Variants in TP63 observed in about 807,000 individuals in gnomAD.
TP63 encodes tumor protein 63.
TP63 carries 17 observed loss-of-function variants against 82.8 expected under a neutral mutation model. The ratio of observed to expected loss-of-function variants is 0.21; its 90% CI spans 0.14 to 0.31. The LOEUF is 0.31. Among genes scored for constraint, TP63 ranks in the 10% least tolerant of loss-of-function variants. The pLI, the probability that TP63 is intolerant of heterozygous loss-of-function variation, is 1.00. For synonymous variants in TP63, 330 were observed against 321.7 expected (o/e 1.03, Z -0.28); for missense variants, 648 against 895.3 (o/e 0.72, Z 3.52).
At chr3:189,621,115 T>C in the TP63 span, among the ~76,000 whole-genome samples, 1 of 152,156 alleles carries the variant, frequency 6.6e-6, no homozygotes, top group Non-Finnish European at 1.5e-5. Context: ...TGTAGGTTAA[T>C]ACAAAAATGA....
intron 12 of TP63, among the ~76,000 whole-genome samples, 191 bp downstream of exon 12, chr3:189,889,675 A>T (rs1720819124): frequency 6.6e-6 from 1 of 152,368 alleles, no homozygotes; most frequent in East Asian, 1.9e-4. Context: ...TATAACCAGC[A>T]TGGAAACAAG....
chr3:189,632,623 G>A (rs891452408), intron 1 of TP63, among the ~76,000 whole-genome samples: 1 of 152,076 alleles, frequency 6.6e-6, no homozygotes, highest in African/African-American at 2.4e-5. Flanking sequence ...GAATAAAGGA[G>A]ATAAAAAGAA....
chr3:189,746,274 A>G (rs968988182), intron 3 of TP63, among the ~76,000 whole-genome samples: 3 of 152,020 alleles, frequency 2.0e-5, no homozygotes, highest in African/African-American at 7.2e-5. Flanking sequence ...CTAAGTGCTG[A>G]AAGAAAAAAA....
intron 1 of TP63, among the ~76,000 whole-genome samples, chr3:189,657,009 T>A (rs1713432494): frequency 2.0e-5 from 2 of 98,190 alleles, no homozygotes; most frequent in South Asian, 9.0e-4. Context: ...GAAAAAATAT[T>A]ATGAAGCATG....
intron 1 of TP63, among the ~76,000 whole-genome samples, chr3:189,666,930 AC>A (rs1714438274): frequency 6.6e-6 from 1 of 151,864 alleles, no homozygotes; most frequent in Non-Finnish European, 1.5e-5. Context: ...AGGAACTTAT[AC>A]TTGTGACCAT....
rs1721350439 is a variant in TP63 at position 189,894,812 on chromosome 3, C to T, written c.*310C>T. The T allele has an allele frequency of 4.8e-6, 2 of 417,846 alleles. No individual in the cohort carries two copies. The highest frequency in any genetic ancestry group is 8.8e-6 in the Non-Finnish European group (2 of 226,632). The allele number at this position is 417,846 out of a possible 1,614,324, so 25.9% of individuals were successfully genotyped here. A position where few individuals can be genotyped will look rare whatever the true frequency, so the allele number is the denominator to read the frequency against. On this transcript the variant is annotated 3_prime_UTR_variant, in exon 14 of 14. Transcript: ENST00000264731. ...CTCATTGACTTTTATAAAGCATGTT[C>T]ACCCTTATAGTCTAAGACTATATAT...
At chr3:189,875,602 A>ATG (rs1372764476) in intron 10 of TP63, among the ~76,000 whole-genome samples, 23 of 48,206 alleles carry the variant, frequency 4.8e-4, no homozygotes, top group African/African-American at 1.6e-3. Flanking sequence ...ACATATATAT[A>ATG]TATATATATA....
chr3:189,894,663 C>A lies in TP63; in HGVS notation c.*161C>A. On this transcript the variant is annotated 3_prime_UTR_variant, in exon 14 of 14. Coordinates refer to ENST00000264731, the MANE Select transcript of TP63 (RefSeq NM_003722.5). The stretch of plus-strand genomic sequence containing the variant: ...AGGCTACCTCTTACCTAACATCTGA[C>A]CTGGCATCTAATTCTGATTCTGGCT... 1.2e-6 allele frequency: 1 copy of A among 819,714 alleles called. No individual in the cohort carries two copies. The allele number at this position is 819,714 out of a possible 1,614,324, so 50.8% of individuals were successfully genotyped here.
Position 189,886,495 on chromosome 3 carries a change from C to T in TP63, c.1451C>T (p.Pro484Leu). Residue 484 changes from proline (P) to leucine (L), a missense_variant, in exon 11 of 14, where the codon CCT becomes CTT. Physicochemically the swap from Pro to Leu is moderately conservative, Grantham distance 98. Around this residue, in one of 5 missense-constraint regions of TP63, gnomAD observed 342 missense variants for 425.7 expected, o/e 0.80. Transcript: ENST00000264731. ...CCTTCTGTGAGCCAGCTTATCAACC[C>T]TCAGCAGCGCAACGCCCTCACTCCT... ...KLPSVSQLIN[P>L]QQRNALTPTT... 1 of 1,614,118 alleles carries T rather than the reference C, an allele frequency of 6.2e-7. No homozygotes were observed. The highest frequency in any genetic ancestry group is 1.3e-5 in the African/African-American group (1 of 75,042).
intron 3 of TP63, among the ~76,000 whole-genome samples, chr3:189,800,332 A>G (rs1726152610): frequency 6.6e-6 from 1 of 152,098 alleles, no homozygotes; most frequent in African/African-American, 2.4e-5. Flanking sequence ...GGAGCTGCTC[A>G]AGGAATTTAA....
chr3:189,663,221 T>C (rs927937914), intron 1 of TP63, among the ~76,000 whole-genome samples: 4 of 152,062 alleles, frequency 2.6e-5, no homozygotes, highest in African/African-American at 9.7e-5. Context: ...TTTTACGACA[T>C]TGAGTTCTGT....
intron 4 of TP63, among the ~76,000 whole-genome samples, chr3:189,863,904 A>G (rs1023518537): frequency 1.3e-5 from 2 of 152,188 alleles, no homozygotes; most frequent in African/African-American, 4.8e-5. Context: ...CTGGTAATCT[A>G]TGAAGCTACT....
intron 1 of TP63, among the ~76,000 whole-genome samples, chr3:189,632,708 G>A (rs960070528): frequency 1.3e-5 from 2 of 152,108 alleles, no homozygotes; most frequent in African/African-American, 4.8e-5. Context: ...GTGGTGGCTT[G>A]ATTCGTGTCT....
chr3:189,771,293 A>AT (rs1723323617), intron 3 of TP63, among the ~76,000 whole-genome samples: 2 of 138,834 alleles, frequency 1.4e-5, no homozygotes, highest in Admixed American at 7.8e-5. Context: ...ATAAATATAT[A>AT]TTATATTTAT....
chr3:189,596,797 C>T, the TP63 span, among the ~76,000 whole-genome samples: 2 of 152,164 alleles, frequency 1.3e-5, no homozygotes, highest in South Asian at 2.1e-4. Flanking sequence ...TTCTTTTGCT[C>T]TTTGCAGTAA....
At chr3:189,707,950 G>A (rs1317065321) in intron 1 of TP63, among the ~76,000 whole-genome samples, 1 of 152,154 alleles carries the variant, frequency 6.6e-6, no homozygotes, top group Non-Finnish European at 1.5e-5. Context: ...TATCTATAAG[G>A]TGAATCCTAA....
At chr3:189,662,523 G>T (rs373900058) in intron 1 of TP63, among the ~76,000 whole-genome samples, 1 of 152,020 alleles carries the variant, frequency 6.6e-6, no homozygotes, top group South Asian at 2.1e-4. Context: ...CAGAATAAAA[G>T]TTTATTTTTA....
intron 3 of TP63, among the ~76,000 whole-genome samples, chr3:189,791,480 G>A (rs1002793829): frequency 5.3e-5 from 8 of 152,082 alleles, no homozygotes; most frequent in Non-Finnish European, 1.5e-5. Context: ...AATATGGCAT[G>A]CTTATGAAAG....
chr3:189,659,641 C>A (rs968289397), intron 1 of TP63, among the ~76,000 whole-genome samples: 2 of 152,052 alleles, frequency 1.3e-5, no homozygotes, highest in East Asian at 1.9e-4. Context: ...CTCCTAATTG[C>A]TTTGCACAGT....
Sources: allele counts gnomAD v4.1 joint callset (sites outside exome capture counted in the v4.1 genomes callset), GRCh38; gene constraint gnomAD v4.1.1; regional missense constraint gnomAD v4.1.1; transcripts MANE v1.5; gene names NCBI Gene and HGNC (gene_info 2026-07-23, HGNC 2026-07-21).